The following SOX5 variants were observed in gnomAD, a reference collection of about 807,000 sequenced individuals.
SOX5 encodes transcription factor SOX-5.
A neutral mutation model predicts 92.0 loss-of-function variants in SOX5; 9 were observed. That is an observed-to-expected ratio of 0.10 (90% CI 0.06 to 0.17). The LOEUF (loss-of-function observed/expected upper bound fraction) is 0.17, where lower values mean the gene tolerates loss of function less well. SOX5 is among the 10% of genes least tolerant of loss of function. The pLI is 1.00. For synonymous variants in SOX5, 344 were observed against 336.3 expected (o/e 1.02, Z -0.25); for missense variants, 642 against 944.5 (o/e 0.68, Z 4.20).
chr12:23,899,630 TA>T (rs2097212140), intron 1 of SOX5, among the ~76,000 whole-genome samples: 1 of 152,110 alleles, frequency 6.6e-6, no homozygotes, highest in Non-Finnish European at 1.5e-5. Flanking sequence ...CAGACAAATA[TA>T]ATCTAATGTG....
chr12:24,021,518 T>C (rs1229984631), intron 4 of SOX5, among the ~76,000 whole-genome samples: 1 of 152,190 alleles, frequency 6.6e-6, no homozygotes, highest in African/African-American at 2.4e-5. Context: ...CTCAGGACCA[T>C]CACAACATCG....
chr12:24,223,771 A>T (rs1200990028), intron 3 of SOX5, among the ~76,000 whole-genome samples: 1 of 152,084 alleles, frequency 6.6e-6, no homozygotes, highest in African/African-American at 2.4e-5. Flanking sequence ...AAACAAAAAC[A>T]AAAACAAAAA....
chr12:23,685,256 C>T (rs888522258), intron 6 of SOX5, among the ~76,000 whole-genome samples: 1 of 151,938 alleles, frequency 6.6e-6, no homozygotes, highest in Admixed American at 6.6e-5. Context: ...TATTCTCCTG[C>T]TTTAACTTTA....
Position 24,289,256 on chromosome 12 carries a change from G to T in SOX5, c.-173-11944C>A, listed in dbSNP as rs551647026. Among the ~76,000 whole-genome samples the T allele has an allele frequency of 2.0e-5, 3 of 150,574 alleles. No individual in the cohort carries two copies. In the East Asian group the frequency reaches 6.0e-4, roughly 30 times the overall value. On this transcript the variant is annotated intron_variant, in intron 2 of 4. Transcript: ENST00000446891. ...TGATCGCATCACTGTACTCCAGCCT[G>T]GGTGACACGGTGAGAACCTGTCTCA...
intron 4 of SOX5, among the ~76,000 whole-genome samples, chr12:24,004,749 A>G (rs980238135): frequency 1.3e-5 from 2 of 152,138 alleles, no homozygotes; most frequent in African/African-American, 4.8e-5. Context: ...CACAAAATCT[A>G]GCAATTCCAC....
chr12:24,348,364 C>CTATTTATTTATG (rs1953607120), intron 2 of SOX5, among the ~76,000 whole-genome samples: 1 of 142,676 alleles, frequency 7.0e-6, no homozygotes, highest in African/African-American at 2.6e-5. Flanking sequence ...CTATTGACTC[C>CTATTTATTTATG]TATTTATTTA....
At chr12:23,973,888 C>T (rs2140173513) in intron 4 of SOX5, among the ~76,000 whole-genome samples, 1 of 152,304 alleles carries the variant, frequency 6.6e-6, no homozygotes, top group East Asian at 1.9e-4. Flanking sequence ...GAGAATCTAA[C>T]TAATGCTTGA....
chr12:24,030,856 A>C (rs1955425310), intron 4 of SOX5, among the ~76,000 whole-genome samples: 1 of 151,934 alleles, frequency 6.6e-6, no homozygotes, highest in South Asian at 2.1e-4. Context: ...AACAAGACAA[A>C]TCATCAAGTT....
At chr12:23,845,673 C>T (rs2096567213) in intron 3 of SOX5, among the ~76,000 whole-genome samples, 1 of 152,080 alleles carries the variant, frequency 6.6e-6, no homozygotes, top group Non-Finnish European at 1.5e-5. Context: ...ACAAACTAGG[C>T]TGCAGATATT....
intron 3 of SOX5, among the ~76,000 whole-genome samples, chr12:23,805,838 G>C (rs1039533591): frequency 1.3e-5 from 2 of 152,082 alleles, no homozygotes; most frequent in Non-Finnish European, 2.9e-5. Context: ...ACAAACTTCA[G>C]CTTTAATATT....
At chr12:24,099,510 G>C (rs1280082052) in intron 4 of SOX5, among the ~76,000 whole-genome samples, 1 of 152,114 alleles carries the variant, frequency 6.6e-6, no homozygotes, top group Non-Finnish European at 1.5e-5. Flanking sequence ...ACTGGATGCA[G>C]AGTGCCCACA....
intron 1 of SOX5, among the ~76,000 whole-genome samples, chr12:24,521,415 C>G (rs1190208440): frequency 6.6e-6 from 1 of 152,130 alleles, no homozygotes; most frequent in Non-Finnish European, 1.5e-5. Flanking sequence ...GACAGAAAAT[C>G]AATAAAGAAA....
chr12:24,249,196 G>T (rs547899111), intron 3 of SOX5, among the ~76,000 whole-genome samples: 2 of 152,310 alleles, frequency 1.3e-5, no homozygotes, highest in South Asian at 2.1e-4. Flanking sequence ...ACTGGGGAGG[G>T]AGAGTAAATG....
chr12:24,267,601 GAAAGT>G (rs1943183741), intron 3 of SOX5, among the ~76,000 whole-genome samples: 1 of 152,094 alleles, frequency 6.6e-6, no homozygotes, highest in Admixed American at 6.6e-5. Context: ...TAACTTTGCA[GAAAGT>G]ACTATGAAAA....
chr12:24,057,201 A>T (rs1958221179), intron 4 of SOX5, among the ~76,000 whole-genome samples: 1 of 152,022 alleles, frequency 6.6e-6, no homozygotes, highest in Non-Finnish European at 1.5e-5. Context: ...GACAAAGAAA[A>T]TTAAGGGAGA....
chr12:23,688,160 G>T (rs1387873432), intron 6 of SOX5, among the ~76,000 whole-genome samples: 1 of 152,012 alleles, frequency 6.6e-6, no homozygotes, highest in Non-Finnish European at 1.5e-5. Flanking sequence ...CTGTGAAATA[G>T]AATGGCCTGA....
At chr12:24,240,432 G>A (rs765581661) in intron 3 of SOX5, among the ~76,000 whole-genome samples, 27 of 152,136 alleles carry the variant, frequency 1.8e-4, no homozygotes, top group African/African-American at 5.6e-4. Flanking sequence ...TCCGTACAAA[G>A]ATGCAATTTA....
At chr12:23,570,725 A>G (rs891132209) in intron 10 of SOX5, among the ~76,000 whole-genome samples, 1 of 151,108 alleles carries the variant, frequency 6.6e-6, no homozygotes, top group Non-Finnish European at 1.5e-5. Flanking sequence ...CCTGGATAAC[A>G]TGGTGAAGCC....
chr12:23,846,108 T>G lies in SOX5; in HGVS notation c.356A>C (p.Gln119Pro). The G allele has an allele frequency of 6.2e-7, 1 of 1,614,164 alleles. No homozygotes were observed. Among genetic ancestry groups the G allele is most frequent in the Non-Finnish European group, 8.5e-7 (1 of 1,180,000 alleles). Residue 119 changes from glutamine (Q) to proline (P), a missense_variant, in exon 3 of 15, where the codon CAG becomes CCG. Coordinates refer to ENST00000451604, the MANE Select transcript of SOX5 (RefSeq NM_006940.6). Reference protein sequence around the residue: ...SPQKAEEGGRQSGESLSSTAL... With the variant: ...SPQKAEEGGRPSGESLSSTAL... ...TGTACTAGACAAGGACTCGCCACTCTGTCGCCCACCTTCTTCTGCCTTCTG... is the reference window on the plus strand; with the variant it reads ...TGTACTAGACAAGGACTCGCCACTCGGTCGCCCACCTTCTTCTGCCTTCTG...
Sources: gnomAD v4.1 joint callset for allele counts (sites outside exome capture counted in the v4.1 genomes callset) on GRCh38, gnomAD v4.1.1 for gene constraint, MANE v1.5 for transcripts, NCBI Gene and HGNC (gene_info 2026-07-23, HGNC 2026-07-21) for gene names.